IL1RAPL2: variants seen among roughly 807,000 people sequenced by gnomAD.
IL1RAPL2 encodes the protein interleukin 1 receptor accessory protein like 2.
Under a neutral mutation model 44.1 loss-of-function variants are expected in IL1RAPL2, and 3 were observed. That is an observed-to-expected ratio of 0.07 (90% confidence interval 0.03 to 0.18). The LOEUF (loss-of-function observed/expected upper bound fraction) is 0.18, where lower values mean the gene tolerates loss of function less well. Among genes scored for constraint, IL1RAPL2 ranks in the 10% least tolerant of loss-of-function variants. IL1RAPL2 has a pLI of 1.00. For synonymous variants in IL1RAPL2, 181 were observed against 178.8 expected (o/e 1.01, Z -0.10); for missense variants, 391 against 496.4 (o/e 0.79, Z 2.02).
At chrX:105,750,916 G>C (rs1272064270) in intron 9 of IL1RAPL2, among the ~76,000 whole-genome samples, 1 of 110,832 alleles carries the variant, frequency 9.0e-6, no homozygotes, top group African/African-American at 3.3e-5. Flanking sequence ...CTGGTTCCCA[G>C]GTGCCAGCAA....
intron 5 of IL1RAPL2, among the ~76,000 whole-genome samples, chrX:105,390,125 C>T (rs2035510377): frequency 9.0e-6 from 1 of 111,673 alleles, no homozygotes; most frequent in Non-Finnish European, 1.9e-5. Context: ...GCTGTTGTAT[C>T]CCTTTAACAG....
rs1385054963 is a variant in IL1RAPL2 at position 104,963,934 on chromosome X, T to TGTGA, written c.83-231540_83-231539insTGAG. On this transcript the variant is annotated intron_variant, in intron 2 of 10. Coordinates refer to ENST00000372582, the MANE Select transcript of IL1RAPL2 (RefSeq NM_017416.2). ...TAGGATGTGCGTGTGTGTGTGTGTGTGAGAGAGAGAGAGAGAGAGAGAGAG... is the reference window on the plus strand; with the variant it reads ...TAGGATGTGCGTGTGTGTGTGTGTGTGTGAGAGAGAGAGAGAGAGAGAGAGAGAG... Among the ~76,000 whole-genome samples the TGTGA allele has an allele frequency of 6.5e-3, 670 of 102,661 alleles. 9 individuals carry two copies. Among genetic ancestry groups the TGTGA allele is most frequent in the African/African-American group, 0.023 (625 of 27,769 alleles). 89.1% of individuals were successfully genotyped at this position (102,661 alleles called of 115,157 possible).
intron 6 of IL1RAPL2, among the ~76,000 whole-genome samples, chrX:105,688,959 A>T (rs930589869): frequency 2.7e-5 from 3 of 111,847 alleles, no homozygotes; most frequent in African/African-American, 9.8e-5. Context: ...CCTGACAAAA[A>T]CAAGAAAGGG....
intron 5 of IL1RAPL2, among the ~76,000 whole-genome samples, chrX:105,437,424 G>A (rs964104057): frequency 9.0e-6 from 1 of 110,991 alleles, no homozygotes; most frequent in Admixed American, 9.7e-5. Flanking sequence ...ATAAATTGGA[G>A]CTGCAGTTCT....
intron 2 of IL1RAPL2, among the ~76,000 whole-genome samples, chrX:104,901,015 G>A (rs1923796607): frequency 9.0e-6 from 1 of 110,831 alleles, no homozygotes; most frequent in South Asian, 3.8e-4. Context: ...CTATTCACCA[G>A]ATTCTCAAGG....
intron 2 of IL1RAPL2, among the ~76,000 whole-genome samples, chrX:104,932,599 A>G (rs1229694008): frequency 8.9e-6 from 1 of 111,964 alleles, no homozygotes; most frequent in Non-Finnish European, 1.9e-5. Flanking sequence ...ACACACAATC[A>G]TTTATGGGCT....
At chrX:105,245,882 C>A (rs368930852) in intron 4 of IL1RAPL2, among the ~76,000 whole-genome samples, 2 of 112,386 alleles carry the variant, frequency 1.8e-5, no homozygotes, top group East Asian at 5.7e-4. Context: ...TCTCCTTTTT[C>A]TTGTCACAAC....
intron 2 of IL1RAPL2, among the ~76,000 whole-genome samples, chrX:105,059,843 A>AT (rs1456794970): frequency 8.9e-6 from 1 of 112,227 alleles, no homozygotes; most frequent in Non-Finnish European, 1.9e-5. Flanking sequence ...TTTTCTTTAT[A>AT]TGTTTATTTG....
At chrX:104,685,194 C>T (rs1267981072) in intron 2 of IL1RAPL2, among the ~76,000 whole-genome samples, 4 of 112,130 alleles carry the variant, frequency 3.6e-5, no homozygotes, top group Non-Finnish European at 7.5e-5. Flanking sequence ...ATTCTCTTAA[C>T]TGACAGAAAC....
chrX:105,617,222 T>A (rs1359719513), intron 6 of IL1RAPL2, among the ~76,000 whole-genome samples: 2 of 111,046 alleles, frequency 1.8e-5, no homozygotes, highest in Non-Finnish European at 3.8e-5. Context: ...ACCAAGAAAA[T>A]TTCTCTACAG....
chrX:105,039,988 G>T (rs755123594), intron 2 of IL1RAPL2, among the ~76,000 whole-genome samples: 263 of 110,325 alleles, frequency 2.4e-3, no homozygotes, highest in African/African-American at 7.6e-3. Flanking sequence ...TCCAGTTTTT[G>T]CCCATTCAGT....
chrX:105,220,276 A>G, intron 3 of IL1RAPL2: 1 of 1,211,042 alleles, frequency 8.3e-7, no homozygotes, highest in South Asian at 1.8e-5. Context: ...CTCCCAGGAT[A>G]AGGATATATT....
At chrX:105,473,463 A>G (rs1473499217) in intron 5 of IL1RAPL2, among the ~76,000 whole-genome samples, 1 of 112,015 alleles carries the variant, frequency 8.9e-6, no homozygotes, top group African/African-American at 3.2e-5. Context: ...TAAATATCAC[A>G]TCACAAATAA....
chrX:105,657,913 C>T (rs2037688089), intron 6 of IL1RAPL2, among the ~76,000 whole-genome samples: 1 of 109,979 alleles, frequency 9.1e-6, no homozygotes, highest in African/African-American at 3.3e-5. Context: ...CCGCAACCAG[C>T]CTATCCTCGT....
At chrX:105,228,425 G>T (rs1328610276) in intron 3 of IL1RAPL2, among the ~76,000 whole-genome samples, 1 of 111,399 alleles carries the variant, frequency 9.0e-6, no homozygotes, top group Non-Finnish European at 1.9e-5. Flanking sequence ...TTTATAATAT[G>T]GGCATGTTTT....
intron 2 of IL1RAPL2, among the ~76,000 whole-genome samples, chrX:104,878,121 T>C (rs902318831): frequency 9.9e-5 from 11 of 111,544 alleles, no homozygotes; most frequent in Non-Finnish European, 1.1e-4. Flanking sequence ...TGTGGTACCT[T>C]GCGTCTGTAC....
chrX:104,883,104 G>A (rs375902903), intron 2 of IL1RAPL2, among the ~76,000 whole-genome samples: 27 of 111,650 alleles, frequency 2.4e-4, no homozygotes, highest in African/African-American at 7.2e-4. Flanking sequence ...TGAAGTCAGC[G>A]AGACCAAGAA....
intron 2 of IL1RAPL2, among the ~76,000 whole-genome samples, chrX:104,918,027 C>CA (rs201059664): frequency 9.0e-6 from 1 of 110,611 alleles, no homozygotes; most frequent in Non-Finnish European, 1.9e-5. Flanking sequence ...TTTAGGACTC[C>CA]AAAAAAAATT....
At chrX:104,854,949 C>T (rs943337537) in intron 2 of IL1RAPL2, among the ~76,000 whole-genome samples, 2 of 111,280 alleles carry the variant, frequency 1.8e-5, no homozygotes, top group African/African-American at 3.3e-5. Flanking sequence ...TTTTGGTTGC[C>T]GAAGACTATA....
Sources: gnomAD v4.1 joint callset for allele counts (sites outside exome capture counted in the v4.1 genomes callset) on GRCh38, gnomAD v4.1.1 for gene constraint, MANE v1.5 for transcripts, NCBI Gene and HGNC (gene_info 2026-07-23, HGNC 2026-07-21) for gene names.